The following SFXN1 variants were observed in gnomAD, a reference collection of about 807,000 sequenced individuals.
SFXN1 encodes sideroflexin-1.
Under a neutral mutation model 39.5 loss-of-function variants are expected in SFXN1, and 32 were observed. That is an observed-to-expected ratio of 0.81 (90% CI 0.61 to 1.09). The LOEUF is 1.09. SFXN1 is among the 50% of genes least tolerant of loss of function. The pLI is 0.00. For synonymous variants in SFXN1, 136 were observed against 146.5 expected (o/e 0.93, Z 0.52); for missense variants, 402 against 407.1 (o/e 0.99, Z 0.11).
intron 10 of SFXN1, chr5:175,523,286 A>C (rs978163501): frequency 6.6e-6 from 1 of 152,190 alleles, no homozygotes; most frequent in African/African-American, 2.4e-5. Flanking sequence ...CTTGGAGCCT[A>C]CTGAAGAGCC....
At chr5:175,512,475 T>G (rs1254961242) in intron 6 of SFXN1, among the ~76,000 whole-genome samples, 1 of 152,164 alleles carries the variant, frequency 6.6e-6, no homozygotes, top group African/African-American at 2.4e-5. Context: ...TAATAAAAAG[T>G]TTAAAAGATA....
rs56776430 is a variant in SFXN1 at position 175,504,003 on chromosome 5, C to CA, written c.165-5012dup. ...GGGAAACAAGAGTGACACTCCATCT[C>CA]AAAAAAAAAAAAAAAAAGGGATCCT... On this transcript the variant is annotated intron_variant, in intron 2 of 10. Coordinates refer to ENST00000321442, the MANE Select transcript of SFXN1 (RefSeq NM_022754.7). Among the ~76,000 whole-genome samples, 277 of 51,404 alleles carry CA rather than the reference C, an allele frequency of 5.4e-3. 3 individuals are homozygous for CA. The highest frequency in any genetic ancestry group is 0.014 in the East Asian group (18 of 1,310). The allele number at this position is 51,404 out of a possible 152,430, so 33.7% of individuals were successfully genotyped here. A position where few individuals can be genotyped will look rare whatever the true frequency, so the allele number is the denominator to read the frequency against.
intron 2 of SFXN1, among the ~76,000 whole-genome samples, chr5:175,507,424 C>T (rs1760347411): frequency 6.6e-6 from 1 of 152,138 alleles, no homozygotes; most frequent in Non-Finnish European, 1.5e-5. Context: ...CAGTATATTA[C>T]TGAGTAAAGA....
rs556547419 is a variant in SFXN1 at position 175,528,193 on chromosome 5, G to T, written c.*1459G>T. The T allele has an allele frequency of 4.6e-5, 7 of 152,106 alleles. No individual in the cohort carries two copies. The highest frequency in any genetic ancestry group is 1.0e-4 in the Non-Finnish European group (7 of 68,028). 9.4% of individuals were successfully genotyped at this position (152,106 alleles called of 1,614,324 possible). A position where few individuals can be genotyped will look rare whatever the true frequency, so the allele number is the denominator to read the frequency against. ...CAAGGTGCTGGGATTACAAGCGTGA[G>T]CCACCGCACCCGGCCTGAAAATATT... is the stretch of plus-strand genomic sequence containing the variant. On this transcript the variant is annotated 3_prime_UTR_variant, in exon 11 of 11. Coordinates refer to ENST00000321442, the MANE Select transcript of SFXN1 (RefSeq NM_022754.7).
intron 7 of SFXN1, among the ~76,000 whole-genome samples, chr5:175,513,997 G>A (rs1420794334): frequency 3.3e-5 from 5 of 152,084 alleles, no homozygotes; most frequent in African/African-American, 4.8e-5. Context: ...ACGGCAGAGC[G>A]TGGATGGCAG....
chr5:175,505,545 A>ATAATAATAATAG (rs1385726989), intron 2 of SFXN1, among the ~76,000 whole-genome samples: 1 of 86,366 alleles, frequency 1.2e-5, no homozygotes, highest in Non-Finnish European at 2.0e-5. Flanking sequence ...CACAATAATA[A>ATAATAATAATAG]TAATAATAAT....
chr5:175,481,206 G>A (rs756075545), intron 1 of SFXN1, among the ~76,000 whole-genome samples: 1 of 152,022 alleles, frequency 6.6e-6, no homozygotes, highest in East Asian at 1.9e-4. Flanking sequence ...TTTTTTAACT[G>A]TAATAACATC....
intron 2 of SFXN1, among the ~76,000 whole-genome samples, chr5:175,496,808 G>T (rs2113293346): frequency 6.6e-6 from 1 of 151,770 alleles, no homozygotes; most frequent in South Asian, 2.1e-4. Flanking sequence ...AGAGCATATA[G>T]ACCCTTAAAG....
chr5:175,485,785 A>G (rs912723255), intron 1 of SFXN1, among the ~76,000 whole-genome samples: 10 of 152,148 alleles, frequency 6.6e-5, no homozygotes, highest in African/African-American at 2.4e-4. Context: ...GGTGGGTTTA[A>G]CTGGAGTGTG....
In SFXN1 at chr5:175,509,058, C is replaced by A. The variant is rs761537464; in HGVS notation, c.191C>A (p.Thr64Lys). The part of the protein sequence containing the change: ...YRQGIVPPGL[T>K]ENELWRAKYI... ...CAAGGAATTGTTCCTCCTGGTCTTA[C>A]AGAAAATGAATTGTGGAGAGCAAAG... The change falls in exon 3 of 11, where the codon ACA becomes AAA. Residue 64 changes from threonine (T) to lysine (K), a missense_variant. By Grantham distance (78) the Thr-to-Lys change is moderately conservative. Coordinates refer to ENST00000321442, the MANE Select transcript of SFXN1 (RefSeq NM_022754.7). 1 of 1,609,372 alleles carries A rather than the reference C, an allele frequency of 6.2e-7. No homozygotes were observed. Among genetic ancestry groups the A allele is most frequent in the Non-Finnish European group, 8.5e-7 (1 of 1,178,266 alleles).
rs1760722142 is a variant in SFXN1 at position 175,516,594 on chromosome 5, G to A, written c.725-20G>A. 2 of 1,596,112 alleles carry A rather than the reference G, an allele frequency of 1.3e-6. No individual in the cohort carries two copies. Among genetic ancestry groups the A allele is most frequent in the Middle Eastern group, 1.7e-4 (1 of 6,004 alleles). On this transcript the variant is annotated intron_variant, in intron 7 of 10. Transcript: ENST00000321442. ...ATTGGCATTAAATAAAGATTTAAGT[G>A]GATCTATCTTTATTTCCAGCCATCC...
chr5:175,504,409 T>C (rs1317902670), intron 2 of SFXN1, among the ~76,000 whole-genome samples: 2 of 150,202 alleles, frequency 1.3e-5, no homozygotes, highest in African/African-American at 4.9e-5. Flanking sequence ...ACCCCGTCTC[T>C]ACTACAAACA....
At chr5:175,507,872 CTG>C (rs1760364762) in intron 2 of SFXN1, among the ~76,000 whole-genome samples, 1 of 151,588 alleles carries the variant, frequency 6.6e-6, no homozygotes. Context: ...ACTCAGGAAA[CTG>C]AGGTGGGAGG....
At chr5:175,480,777 TTACGTTG>T (rs1452613814) in intron 1 of SFXN1, among the ~76,000 whole-genome samples, 8 of 152,230 alleles carry the variant, frequency 5.3e-5, no homozygotes, top group African/African-American at 1.9e-4. Flanking sequence ...TCTGGAAGAC[TTACGTTG>T]AAGTCAGGCA....
chr5:175,523,757 C>T (rs1270744629), intron 10 of SFXN1: 2 of 152,006 alleles, frequency 1.3e-5, no homozygotes, highest in Non-Finnish European at 2.9e-5. Context: ...GGTCAAGGCC[C>T]TCAGAAAGCG....
chr5:175,505,231 G>A (rs886821202), intron 2 of SFXN1, among the ~76,000 whole-genome samples: 1 of 151,880 alleles, frequency 6.6e-6, no homozygotes, highest in Non-Finnish European at 1.5e-5. Flanking sequence ...GTGGTCACCT[G>A]TAAAACTGAT....
At chr5:175,519,838 T>G (rs1760823617) in intron 8 of SFXN1, among the ~76,000 whole-genome samples, 1 of 150,408 alleles carries the variant, frequency 6.6e-6, no homozygotes, top group African/African-American at 2.4e-5. Context: ...GAATTTAGAG[T>G]CACTAACTTT....
chr5:175,513,515 G>C lies in SFXN1; in HGVS notation c.649G>C (p.Glu217Gln), dbSNP rs748421606. ...VTDENGNRLG[E>Q]SANAAKQAIT... ...GGATGAGAATGGGAACCGCTTGGGGGAGTCGGCGAACGCTGCGAAACAAGC... is the reference window on the plus strand; with the variant it reads ...GGATGAGAATGGGAACCGCTTGGGGCAGTCGGCGAACGCTGCGAAACAAGC... Residue 217 changes from glutamate to glutamine, a missense_variant, in exon 7 of 11, where the codon GAG becomes CAG. Transcript: ENST00000321442. 1.9e-6 allele frequency: 3 copies of C among 1,613,956 alleles called. No homozygotes were observed. In the East Asian group the frequency reaches 6.7e-5, roughly 36 times the overall value.
chr5:175,524,677 A>G (rs1213504501), intron 10 of SFXN1, among the ~76,000 whole-genome samples: 3 of 152,044 alleles, frequency 2.0e-5, no homozygotes, highest in African/African-American at 7.2e-5. Context: ...GGAGATGAAG[A>G]TCAGAAATCA....
Sources: allele counts gnomAD v4.1 joint callset (sites outside exome capture counted in the v4.1 genomes callset), GRCh38; gene constraint gnomAD v4.1.1; transcripts MANE v1.5; gene names NCBI Gene and HGNC (gene_info 2026-07-23, HGNC 2026-07-21).